The following G3BP2 variants were observed in gnomAD, a reference collection of about 807,000 sequenced individuals.
The protein encoded by G3BP2 is G3BP stress granule assembly factor 2, also known as ras GTPase-activating protein-binding protein 2.
Under a neutral mutation model 56.7 loss-of-function variants are expected in G3BP2, and 11 were observed. The ratio of observed to expected loss-of-function variants is 0.19; its 90% CI spans 0.12 to 0.32. G3BP2 has a LOEUF of 0.32. Ranked by LOEUF, G3BP2 falls within the 10% of genes least tolerant of loss-of-function variation. The pLI is 1.00. For synonymous variants in G3BP2, 165 were observed against 191.6 expected (o/e 0.86, Z 1.15); for missense variants, 340 against 610.9 (o/e 0.56, Z 4.67).
chr4:75,656,847 T>G, intron 5 of G3BP2, 77 bp downstream of exon 5: 1 of 720,832 alleles, frequency 1.4e-6, no homozygotes, highest in South Asian at 1.7e-5. Context: ...TTTCCGTAGA[T>G]GTCATACTTA....
chr4:75,714,175 G>T (rs994161750), intron 3 of G3BP2, among the ~76,000 whole-genome samples: 2 of 152,186 alleles, frequency 1.3e-5, no homozygotes, highest in Non-Finnish European at 1.5e-5. Context: ...TTAGATAATG[G>T]CAATGTATCA....
At chr4:75,678,667 A>G (rs6835702) in intron 3 of G3BP2, among the ~76,000 whole-genome samples, 133,297 of 152,162 alleles carry the variant, frequency 0.88, 58,417 homozygotes, top group East Asian at 0.92. Context: ...ATAAAAAAGA[A>G]TCTGGGCTCC....
chr4:75,716,844 A>T (rs1719949276), intron 3 of G3BP2, among the ~76,000 whole-genome samples: 1 of 152,160 alleles, frequency 6.6e-6, no homozygotes, highest in African/African-American at 2.4e-5. Context: ...ACCCACAACT[A>T]GTATGGTGTT....
intron 1 of G3BP2, among the ~76,000 whole-genome samples, chr4:75,671,779 G>C (rs1479230240): frequency 6.6e-6 from 1 of 152,152 alleles, no homozygotes; most frequent in Non-Finnish European, 1.5e-5. Flanking sequence ...CCAAAGAAAG[G>C]ATAATTCAAT....
intron 3 of G3BP2, among the ~76,000 whole-genome samples, chr4:75,702,864 G>A (rs1719401046): frequency 6.6e-6 from 1 of 152,222 alleles, no homozygotes; most frequent in Non-Finnish European, 1.5e-5. Context: ...GAAGGAGTCA[G>A]TGAGACCCTA....
chr4:75,672,351 C>T (rs1231242338), intron 1 of G3BP2, among the ~76,000 whole-genome samples: 1 of 152,196 alleles, frequency 6.6e-6, no homozygotes, highest in Middle Eastern at 3.2e-3. Flanking sequence ...AAAATTCTAT[C>T]AGATTCCACT....
rs1452947176 is a variant in G3BP2 at position 75,657,632 on chromosome 4, G to A, written c.276C>T (p.Val92=). The A allele has an allele frequency of 7.4e-6, 12 of 1,613,200 alleles. No individual in the cohort carries two copies. Among genetic ancestry groups the A allele is most frequent in the Non-Finnish European group, 9.3e-6 (11 of 1,179,220 alleles). The change falls in exon 4 of 12, where the codon GTC becomes GTT. Residue 92 remains valine, a synonymous_variant. Coordinates refer to ENST00000359707, the MANE Select transcript of G3BP2 (RefSeq NM_203505.3). ...TGTTAGACAGCAAACCCATGACCTG[G>A]ACAACTACTCCATCACTCAAGGTTG... The part of the protein sequence containing the change: ...AHATLSDGVV[V]QVMGLLSNSG...
At chr4:75,698,169 A>C (rs1239614470) in intron 3 of G3BP2, among the ~76,000 whole-genome samples, 2 of 152,166 alleles carry the variant, frequency 1.3e-5, no homozygotes, top group Admixed American at 1.3e-4. Context: ...TTATCCTGAA[A>C]TATCTAGGGG....
chr4:75,653,569 G>A (rs935348501), intron 8 of G3BP2, among the ~76,000 whole-genome samples: 1 of 126,148 alleles, frequency 7.9e-6, no homozygotes, highest in East Asian at 2.2e-4. Context: ...AAAGTTTCCT[G>A]GTTTTTTTTT....
At chr4:75,657,928 T>C (rs1732236650) in intron 3 of G3BP2, among the ~76,000 whole-genome samples, 198 bp from the exon 4 acceptor site, 2 of 152,246 alleles carry the variant, frequency 1.3e-5, no homozygotes, top group African/African-American at 2.4e-5. Flanking sequence ...TCCAATATTG[T>C]GCAGTAATCT....
chr4:75,665,745 C>A (rs1732989374), intron 1 of G3BP2, among the ~76,000 whole-genome samples: 3 of 151,784 alleles, frequency 2.0e-5, no homozygotes. Context: ...AGTAGACTTA[C>A]CTGGTAAAAT....
rs377460279 is a variant in G3BP2 at position 75,649,811 on chromosome 4, A to G, written c.826-1070T>C. 9.2e-5 allele frequency among the ~76,000 whole-genome samples: 14 copies of G among 152,224 alleles called. No individual in the cohort carries two copies. The East Asian group carries it at 2.7e-3, about 30-fold the overall frequency. ...GATCACCTGAGGTCAGGAGTTTGAG[A>G]CCAGCCTGCCCAATATGGCGAAACC... is the stretch of plus-strand genomic sequence containing the variant. On this transcript the variant is annotated intron_variant, in intron 8 of 11. Transcript: ENST00000359707.
intron 3 of G3BP2, among the ~76,000 whole-genome samples, chr4:75,720,331 T>C (rs1720112625): frequency 6.7e-6 from 1 of 148,594 alleles, no homozygotes; most frequent in African/African-American, 2.5e-5. Context: ...AGAAACTCCG[T>C]CTCTACCAAA....
At chr4:75,672,631 T>C (rs1733579799) in intron 1 of G3BP2, 1 of 152,176 alleles carries the variant, frequency 6.6e-6, no homozygotes, top group Non-Finnish European at 1.5e-5. Context: ...CCGGATTCTG[T>C]TTCCGTGCAC....
chr4:75,643,315 A>ATATATATATATATATG lies in G3BP2; in HGVS notation c.*2114_*2115insCATATATATATATATA, dbSNP rs1166357883. The ATATATATATATATATG allele has an allele frequency of 1.5e-5, 2 of 135,668 alleles. No individual in the cohort carries two copies. Among genetic ancestry groups the ATATATATATATATATG allele is most frequent in the Non-Finnish European group, 3.2e-5 (2 of 61,902 alleles). 8.4% of individuals were successfully genotyped at this position (135,668 alleles called of 1,614,324 possible). On this transcript the variant is annotated 3_prime_UTR_variant, in exon 12 of 12. Coordinates refer to ENST00000359707, the MANE Select transcript of G3BP2 (RefSeq NM_203505.3). ...GGAAATTATATATATATATATATAT[A>ATATATATATATATATG]TGGAAACAGAAATACAAGAAAATAT...
intron 3 of G3BP2, among the ~76,000 whole-genome samples, chr4:75,704,430 G>A (rs865889631): frequency 1.5e-4 from 22 of 151,696 alleles, no homozygotes; most frequent in Admixed American, 7.2e-4. Context: ...TGATCCTCGG[G>A]CCTCAGCCTC....
At chr4:75,678,289 G>A (rs1391622133), upstream of G3BP2, among the ~76,000 whole-genome samples, 1 of 146,850 alleles carries the variant, frequency 6.8e-6, no homozygotes. Context: ...GCACTACCGT[G>A]CCTAGCTTGT....
chr4:75,664,793 G>A (rs950724977), intron 1 of G3BP2, among the ~76,000 whole-genome samples: 1 of 152,076 alleles, frequency 6.6e-6, no homozygotes, highest in Admixed American at 6.6e-5. Context: ...AGGTTGCAGT[G>A]AGCCGCGATC....
In G3BP2 at chr4:75,718,187, T is replaced by C. The variant is rs185017041; in HGVS notation, c.-25+2690A>G. 4.1e-3 allele frequency among the ~76,000 whole-genome samples: 625 copies of C among 151,086 alleles called. 3 individuals are homozygous for C. Among genetic ancestry groups the C allele is most frequent in the South Asian group, 0.015 (74 of 4,822 alleles). The stretch of plus-strand genomic sequence containing the variant: ...AAATAAATAAAAATAAAAAGTCCTT[T>C]GGAAATGAAAATGGGATTTCCTAAT... On this transcript the variant is annotated intron_variant, in intron 3 of 3. Transcript: ENST00000499709.
Sources: gnomAD v4.1 joint callset for allele counts (sites outside exome capture counted in the v4.1 genomes callset) on GRCh38, gnomAD v4.1.1 for gene constraint, MANE v1.5 for transcripts, NCBI Gene and HGNC (gene_info 2026-07-23, HGNC 2026-07-21) for gene names.